CDC25C: variants seen among roughly 807,000 people sequenced by gnomAD.
CDC25C encodes the protein cell division cycle 25C, also known as M-phase inducer phosphatase 3.
A neutral mutation model predicts 52.5 loss-of-function variants in CDC25C; 48 were observed. The ratio of observed to expected loss-of-function variants is 0.91; its 90% confidence interval spans 0.72 to 1.16. The LOEUF (loss-of-function observed/expected upper bound fraction) is 1.16. Among genes scored for constraint, CDC25C ranks in the 50% most tolerant of loss-of-function variants. The pLI, the probability that CDC25C is intolerant of heterozygous loss-of-function variation, is 0.00. For missense variants in CDC25C, 510 were observed against 566.1 expected (o/e 0.90, Z 1.01); for synonymous variants, 187 against 206.5 (o/e 0.91, Z 0.81).
chr5:138,333,438 G>GC (rs11567948), upstream of CDC25C: 65 of 152,322 alleles, frequency 4.3e-4, no homozygotes, highest in African/African-American at 1.5e-3. Flanking sequence ...TGCAGAACCT[G>GC]CTTCCCCAGA....
chr5:138,330,424 C>A (rs897401501), intron 2 of CDC25C, among the ~76,000 whole-genome samples: 1 of 152,118 alleles, frequency 6.6e-6, no homozygotes, highest in African/African-American at 2.4e-5. Context: ...CGTAATGCAG[C>A]GGTTTTCAAA....
intron 6 of CDC25C, among the ~76,000 whole-genome samples, chr5:138,324,175 A>C (rs1270856265): frequency 6.7e-6 from 1 of 148,468 alleles, no homozygotes. Context: ...GGAGGCTGAG[A>C]CAGGAGAATT....
intron 6 of CDC25C, among the ~76,000 whole-genome samples, chr5:138,325,579 A>G (rs1759783440): frequency 6.6e-6 from 1 of 152,164 alleles, no homozygotes; most frequent in African/African-American, 2.4e-5. Context: ...CAAAATGATC[A>G]ACTGAACATG....
chr5:138,291,850 G>C, intron 8 of CDC25C, 120 bp downstream of exon 8: 1 of 662,482 alleles, frequency 1.5e-6, no homozygotes, highest in Non-Finnish European at 2.4e-6. Flanking sequence ...AGAACAAAGA[G>C]GAAAAAGTAA....
At chr5:138,313,997 T>TTC (rs1233788019) in intron 7 of CDC25C, among the ~76,000 whole-genome samples, 21 of 112,618 alleles carry the variant, frequency 1.9e-4, no homozygotes, top group Non-Finnish European at 2.7e-4. Context: ...CTTTCTTTCT[T>TTC]TTTTTTTTTT....
At chr5:138,295,476 G>C (rs1444321645) in intron 7 of CDC25C, among the ~76,000 whole-genome samples, 1 of 152,054 alleles carries the variant, frequency 6.6e-6, no homozygotes, top group African/African-American at 2.4e-5. Context: ...AGCCAGATAT[G>C]GTAGCGTGCA....
At chr5:138,297,419 C>A (rs1757298197) in intron 7 of CDC25C, among the ~76,000 whole-genome samples, 1 of 152,108 alleles carries the variant, frequency 6.6e-6, no homozygotes. Flanking sequence ...ATGCTTCTAC[C>A]TCTGTGCCCT....
chr5:138,321,221 T>TC (rs1272499495), intron 6 of CDC25C, among the ~76,000 whole-genome samples: 9 of 152,244 alleles, frequency 5.9e-5, no homozygotes, highest in Admixed American at 2.0e-4. Context: ...GAGTTATCAC[T>TC]TAAGGGTATA....
rs762692029 is a variant in CDC25C at position 138,329,575 on chromosome 5, A to C, written c.267T>G (p.Thr89=). The change falls in exon 3 of 14, where the codon ACT becomes ACG. Residue 89 remains threonine (T), a synonymous_variant. Transcript: ENST00000323760. ...SGEITATQLT[T]SADLDETGHL... ...TACCAGTTTCATCAAGGTCTGCAGA[A>C]GTGGTAAGCTGAGTGGCAGTTATCT... 2 of 1,611,876 alleles carry C rather than the reference A, an allele frequency of 1.2e-6. No individual in the cohort carries two copies. Among genetic ancestry groups the C allele is most frequent in the African/African-American group, 2.7e-5 (2 of 74,816 alleles).
intron 7 of CDC25C, among the ~76,000 whole-genome samples, chr5:138,293,342 T>C (rs373437133): frequency 2.0e-5 from 3 of 152,132 alleles, no homozygotes; most frequent in East Asian, 1.9e-4. Flanking sequence ...GAGAAATAAT[T>C]AGGCAGTAGC....
At chr5:138,308,291 GAGAA>G (rs1311025096) in intron 7 of CDC25C, among the ~76,000 whole-genome samples, 2 of 152,146 alleles carry the variant, frequency 1.3e-5, no homozygotes, top group Non-Finnish European at 2.9e-5. Context: ...TCAATCACCA[GAGAA>G]AGATTCAATT....
intron 6 of CDC25C, among the ~76,000 whole-genome samples, chr5:138,323,058 C>T (rs921601079): frequency 4.6e-5 from 7 of 151,246 alleles, no homozygotes; most frequent in African/African-American, 1.5e-4. Context: ...CAGGTTCAAG[C>T]CATTCTTGTT....
At chr5:138,293,818 T>C (rs2126672367) in intron 7 of CDC25C, among the ~76,000 whole-genome samples, 1 of 151,996 alleles carries the variant, frequency 6.6e-6, no homozygotes, top group East Asian at 1.9e-4. Flanking sequence ...AGCCAATTTC[T>C]GTATTTTTTA....
chr5:138,288,317 C>A (rs568806861), intron 10 of CDC25C, among the ~76,000 whole-genome samples: 14 of 152,234 alleles, frequency 9.2e-5, no homozygotes, highest in Admixed American at 5.9e-4. Context: ...TCAGGTGATT[C>A]GCCTGCCTTG....
intron 6 of CDC25C, 92 bp downstream of exon 6, chr5:138,325,723 G>C: frequency 8.3e-6 from 7 of 847,336 alleles, no homozygotes; most frequent in Non-Finnish European, 7.8e-6. Flanking sequence ...AGCATACGAG[G>C]TATAAACAGT....
intron 7 of CDC25C, among the ~76,000 whole-genome samples, chr5:138,308,852 C>T (rs948771880): frequency 1.1e-4 from 16 of 152,080 alleles, no homozygotes; most frequent in African/African-American, 3.9e-4. Flanking sequence ...AGTTTAAACC[C>T]TGGCTCTGCT....
intron 2 of CDC25C, 121 bp from the exon 3 acceptor site, chr5:138,329,768 TC>T: frequency 4.0e-6 from 2 of 498,290 alleles, no homozygotes; most frequent in Non-Finnish European, 6.9e-6. Context: ...TCTTGCTCTG[TC>T]CCCCCAGCTC....
chr5:138,336,225 C>T (rs957131621), upstream of CDC25C, among the ~76,000 whole-genome samples: 1 of 151,870 alleles, frequency 6.6e-6, no homozygotes, highest in Non-Finnish European at 1.5e-5. Flanking sequence ...CTCTGCCTCC[C>T]CGGTTCAAGC....
chr5:138,294,869 G>A (rs1458147428), intron 7 of CDC25C, among the ~76,000 whole-genome samples: 2 of 150,728 alleles, frequency 1.3e-5, no homozygotes, highest in African/African-American at 2.4e-5. Context: ...GGCTGATCTC[G>A]AACTCCTGAC....
Sources: allele counts gnomAD v4.1 joint callset (sites outside exome capture counted in the v4.1 genomes callset), GRCh38; gene constraint gnomAD v4.1.1; transcripts MANE v1.5; gene names NCBI Gene and HGNC (gene_info 2026-07-23, HGNC 2026-07-21).